Variants in NRXN1 observed in about 807,000 individuals in gnomAD.
NRXN1 encodes the protein neurexin-1.
Under a neutral mutation model 150.9 loss-of-function variants are expected in NRXN1, and 39 were observed. That is an observed-to-expected ratio of 0.26 (90% CI 0.20 to 0.34). NRXN1 has a LOEUF of 0.34. Among genes scored for constraint, NRXN1 ranks in the 10% least tolerant of loss-of-function variants. The probability of loss-of-function intolerance (pLI) is 1.00; values close to 1 mark genes in which losing one functional copy is unlikely to be tolerated. For synonymous variants in NRXN1, 924 were observed against 757.0 expected (o/e 1.22, Z -3.62); for missense variants, 1,815 against 1,949.9 (o/e 0.93, Z 1.30).
chr2:50,608,021 G>A lies in NRXN1; in HGVS notation c.1320+12001C>T, dbSNP rs1312242102. Among the ~76,000 whole-genome samples the A allele has an allele frequency of 4.6e-5, 7 of 152,094 alleles. No individual in the cohort carries two copies. The East Asian group carries it at 1.2e-3, about 25-fold the overall frequency. ...AGAAAGAAGGCCAAGCCCACCTGGG[G>A]CCTGGGGGTAAATGAGAAGCCCACA... On this transcript the variant is annotated intron_variant, in intron 8 of 22. Coordinates refer to ENST00000401669, the MANE Select transcript of NRXN1 (RefSeq NM_001330078.2).
chr2:50,819,784 T>C (rs1240421024), intron 5 of NRXN1, among the ~76,000 whole-genome samples: 1 of 152,068 alleles, frequency 6.6e-6, no homozygotes, highest in Admixed American at 6.6e-5. Flanking sequence ...CACCCCATCA[T>C]TAAAAAAAGA....
At chr2:50,278,438 C>T (rs2070958275) in intron 17 of NRXN1, among the ~76,000 whole-genome samples, 1 of 149,420 alleles carries the variant, frequency 6.7e-6, no homozygotes, top group Non-Finnish European at 1.5e-5. Context: ...AGATGTGAGA[C>T]ACTGTGCCTG....
chr2:50,630,692 G>A (rs948126984), intron 5 of NRXN1, among the ~76,000 whole-genome samples: 8 of 151,570 alleles, frequency 5.3e-5, no homozygotes, highest in African/African-American at 1.7e-4. Flanking sequence ...ACACAGGTTG[G>A]AAGGTTTTAC....
intron 22 of NRXN1, among the ~76,000 whole-genome samples, chr2:49,925,678 AAATT>A (rs1240413251): frequency 6.6e-6 from 1 of 152,200 alleles, no homozygotes; most frequent in Non-Finnish European, 1.5e-5. Flanking sequence ...CATTTTTAAA[AAATT>A]AAAGCAATCT....
chr2:50,094,563 G>A (rs1699977053), intron 18 of NRXN1, among the ~76,000 whole-genome samples: 1 of 152,126 alleles, frequency 6.6e-6, no homozygotes, highest in African/African-American at 2.4e-5. Context: ...AAATCTTCAA[G>A]GGAAGAGACT....
chr2:50,861,883 G>C (rs1255348870), intron 5 of NRXN1, among the ~76,000 whole-genome samples: 1 of 151,974 alleles, frequency 6.6e-6, no homozygotes, highest in Non-Finnish European at 1.5e-5. Context: ...ACTCGAACAT[G>C]TTTATAATCT....
chr2:50,622,116 T>C (rs1680133616), intron 6 of NRXN1, among the ~76,000 whole-genome samples: 1 of 152,130 alleles, frequency 6.6e-6, no homozygotes, highest in Non-Finnish European at 1.5e-5. Flanking sequence ...GTTATACTGA[T>C]GGTGGCCAAT....
At chr2:50,023,959 T>G (rs1186676162) in intron 21 of NRXN1, 1 of 152,192 alleles carries the variant, frequency 6.6e-6, no homozygotes, top group Non-Finnish European at 1.5e-5. Context: ...TTGTACAATT[T>G]TCATAGCACC....
intron 17 of NRXN1, among the ~76,000 whole-genome samples, chr2:50,238,708 G>A (rs2065706064): frequency 6.6e-6 from 1 of 151,882 alleles, no homozygotes; most frequent in African/African-American, 2.4e-5. Context: ...GGCCATTTTT[G>A]GAAGCAACTC....
intron 21 of NRXN1, chr2:49,966,735 T>G (rs975350735): frequency 6.6e-6 from 1 of 152,086 alleles, no homozygotes; most frequent in Non-Finnish European, 1.5e-5. Context: ...GAGTAATCTG[T>G]TCACACTGGG....
intron 5 of NRXN1, among the ~76,000 whole-genome samples, chr2:50,673,602 G>T (rs1037292184): frequency 2.6e-5 from 4 of 152,036 alleles, no homozygotes; most frequent in Admixed American, 1.3e-4. Flanking sequence ...ATGCTTCAGG[G>T]TGGTTGCTTT....
intron 5 of NRXN1, among the ~76,000 whole-genome samples, chr2:50,833,575 A>T (rs998408111): frequency 6.6e-6 from 1 of 152,216 alleles, no homozygotes; most frequent in African/African-American, 2.4e-5. Context: ...GATTACATTT[A>T]TACGACATTC....
At chr2:50,830,041 T>C (rs1478512630) in intron 5 of NRXN1, among the ~76,000 whole-genome samples, 1 of 117,334 alleles carries the variant, frequency 8.5e-6, no homozygotes, top group Non-Finnish European at 1.7e-5. Context: ...GCTCATTTCT[T>C]CACAAAGTCT....
At chr2:50,484,583 C>T (rs1339409241) in intron 15 of NRXN1, among the ~76,000 whole-genome samples, 1 of 152,170 alleles carries the variant, frequency 6.6e-6, no homozygotes, top group South Asian at 2.1e-4. Flanking sequence ...CCCAATCACC[C>T]AACCAAGTAC....
At chr2:50,339,867 A>G (rs1338310231) in intron 17 of NRXN1, among the ~76,000 whole-genome samples, 5 of 152,214 alleles carry the variant, frequency 3.3e-5, no homozygotes, top group Admixed American at 3.3e-4. Context: ...AATTCTTAAT[A>G]ACTATGAGTT....
chr2:50,522,728 T>C (rs1248157548), intron 12 of NRXN1, among the ~76,000 whole-genome samples: 24,489 of 103,378 alleles, frequency 0.24, 5,184 homozygotes, highest in South Asian at 0.34. Context: ...TCATTTTTTT[T>C]TTTTTTTTTT....
chr2:50,495,383 GTGTGTGTGT>G lies in NRXN1; in HGVS notation c.3070+513_3070+521del, dbSNP rs1558829210. On this transcript the variant is annotated intron_variant, in intron 15 of 22. Coordinates refer to ENST00000401669, the MANE Select transcript of NRXN1 (RefSeq NM_001330078.2). ...GTGTGTGTGTGTGTGTGTGTGTGGT[GTGTGTGTGT>G]GTGTGTGTGTGTGTGTGTGTGTGTG... Among the ~76,000 whole-genome samples, 361 of 123,770 alleles carry G rather than the reference GTGTGTGTGT, an allele frequency of 2.9e-3. 1 individual carries two copies. The highest frequency in any genetic ancestry group is 0.011 in the African/African-American group (343 of 29,970). 81.2% of individuals were successfully genotyped at this position (123,770 alleles called of 152,430 possible). A position where few individuals can be genotyped will look rare whatever the true frequency, so the allele number is the denominator to read the frequency against.
intron 18 of NRXN1, among the ~76,000 whole-genome samples, chr2:50,192,204 A>G (rs2061487640): frequency 6.6e-6 from 1 of 152,202 alleles, no homozygotes; most frequent in African/African-American, 2.4e-5. Context: ...TACAAATGAG[A>G]TGAGGTTAGA....
intron 21 of NRXN1, among the ~76,000 whole-genome samples, chr2:50,032,335 C>T (rs1290349169): frequency 1.3e-5 from 2 of 151,978 alleles, no homozygotes; most frequent in Non-Finnish European, 2.9e-5. Flanking sequence ...TATTGTGATA[C>T]TGCTAGCATT....
Sources: allele counts gnomAD v4.1 joint callset (sites outside exome capture counted in the v4.1 genomes callset), GRCh38; gene constraint gnomAD v4.1.1; transcripts MANE v1.5; gene names NCBI Gene and HGNC (gene_info 2026-07-23, HGNC 2026-07-21).